PPARGC1A: variants seen among roughly 807,000 people sequenced by gnomAD.
PPARGC1A encodes peroxisome proliferator-activated receptor gamma coactivator 1-alpha.
In PPARGC1A, 25 loss-of-function variants were observed where a neutral mutation model predicts 88.7. The observed-to-expected ratio is 0.28, with a 90% CI of 0.21 to 0.39. The LOEUF is 0.39. PPARGC1A is among the 10% of genes least tolerant of loss of function. PPARGC1A has a pLI of 1.00. For synonymous variants in PPARGC1A, 363 were observed against 355.6 expected (o/e 1.02, Z -0.24); for missense variants, 880 against 968.7 (o/e 0.91, Z 1.22).
At chr4:24,353,791 A>G in the PPARGC1A span, among the ~76,000 whole-genome samples, 1 of 152,186 alleles carries the variant, frequency 6.6e-6, no homozygotes. Context: ...TCTTTGAAAC[A>G]CATCAGAGTC....
the PPARGC1A span, among the ~76,000 whole-genome samples, chr4:24,336,894 C>T: frequency 6.6e-6 from 1 of 152,056 alleles, no homozygotes; most frequent in African/African-American, 2.4e-5. Flanking sequence ...AAGATCCACC[C>T]ATCTCTAAAA....
the PPARGC1A span, among the ~76,000 whole-genome samples, chr4:24,337,867 C>T: frequency 8.1e-4 from 123 of 152,202 alleles, no homozygotes; most frequent in African/African-American, 2.5e-3. Context: ...ACTTGAGCTC[C>T]GACGACCCCA....
intron 2 of PPARGC1A, among the ~76,000 whole-genome samples, chr4:23,865,714 A>G (rs910072953): frequency 6.6e-6 from 1 of 152,214 alleles, no homozygotes; most frequent in African/African-American, 2.4e-5. Flanking sequence ...TGAACTCAAG[A>G]AATATCTGGC....
chr4:23,982,230 CAAAA>C, the PPARGC1A span, among the ~76,000 whole-genome samples: 1 of 151,998 alleles, frequency 6.6e-6, no homozygotes, highest in East Asian at 1.9e-4. Context: ...GTAGTTTAAA[CAAAA>C]GAAAAGTTTG....
At chr4:24,132,435 C>T in the PPARGC1A span, among the ~76,000 whole-genome samples, 1 of 152,126 alleles carries the variant, frequency 6.6e-6, no homozygotes, top group African/African-American at 2.4e-5. Flanking sequence ...TAGTGTCTCC[C>T]TCTAAGTAGT....
the PPARGC1A span, among the ~76,000 whole-genome samples, chr4:24,017,289 A>T: frequency 6.6e-6 from 1 of 152,226 alleles, no homozygotes; most frequent in Non-Finnish European, 1.5e-5. Context: ...CTTCAACAGT[A>T]GAACAGAAAA....
At chr4:24,039,774 T>C in the PPARGC1A span, among the ~76,000 whole-genome samples, 1 of 152,180 alleles carries the variant, frequency 6.6e-6, no homozygotes, top group Admixed American at 6.5e-5. Flanking sequence ...CTTATAGAAG[T>C]ATGTTCTCCA....
At chr4:24,417,505 G>A in the PPARGC1A span, among the ~76,000 whole-genome samples, 1 of 152,228 alleles carries the variant, frequency 6.6e-6, no homozygotes, top group East Asian at 1.9e-4. Context: ...CTCTCTGGGT[G>A]TATGTAAATT....
the PPARGC1A span, among the ~76,000 whole-genome samples, chr4:23,909,769 A>G: frequency 6.6e-6 from 1 of 151,862 alleles, no homozygotes; most frequent in South Asian, 2.1e-4. Context: ...TTATCAGTGT[A>G]TAAGGATCAG....
chr4:23,858,972 TTAAATA>T lies in PPARGC1A; in HGVS notation c.234+25774_234+25779del, dbSNP rs531250178. On this transcript the variant is annotated intron_variant, in intron 2 of 12. Transcript: ENST00000264867. The stretch of plus-strand genomic sequence containing the variant: ...TTATATTTATATTTTGTAGAATAAA[TTAAATA>T]TAAACATAAATTAAAGTATGTAAAT... 7.4e-5 allele frequency among the ~76,000 whole-genome samples: 11 copies of T among 149,028 alleles called. 1 individual carries two copies. Among genetic ancestry groups the T allele is most frequent in the South Asian group, 6.3e-4 (3 of 4,762 alleles).
the PPARGC1A span, among the ~76,000 whole-genome samples, chr4:23,910,532 C>A: frequency 3.4e-5 from 5 of 145,742 alleles, no homozygotes; most frequent in Non-Finnish European, 5.9e-5. Flanking sequence ...CCTCCGCCTC[C>A]CGAGTTCAAG....
At chr4:23,811,630 C>G (rs923762496) in intron 10 of PPARGC1A, among the ~76,000 whole-genome samples, 4 of 152,138 alleles carry the variant, frequency 2.6e-5, no homozygotes, top group Non-Finnish European at 5.9e-5. Context: ...GGTTGATAAA[C>G]AGCGGTAGGG....
chr4:24,385,033 AACAGTC>A, the PPARGC1A span, among the ~76,000 whole-genome samples: 3 of 152,132 alleles, frequency 2.0e-5, no homozygotes, highest in Admixed American at 6.5e-5. Flanking sequence ...AATCATAACA[AACAGTC>A]TCTCAGACCA....
chr4:24,045,616 C>T, the PPARGC1A span, among the ~76,000 whole-genome samples: 1 of 152,178 alleles, frequency 6.6e-6, no homozygotes, highest in Non-Finnish European at 1.5e-5. Context: ...TTCACATGGA[C>T]TTCTCCTCCG....
At chr4:24,442,937 A>G in the PPARGC1A span, among the ~76,000 whole-genome samples, 2 of 152,102 alleles carry the variant, frequency 1.3e-5, no homozygotes, top group East Asian at 1.9e-4. Flanking sequence ...AATTTTCCCA[A>G]TTCAACTCTT....
At chr4:23,974,367 T>A in the PPARGC1A span, among the ~76,000 whole-genome samples, 1 of 152,206 alleles carries the variant, frequency 6.6e-6, no homozygotes, top group East Asian at 1.9e-4. Context: ...CAGGAAATTG[T>A]ACTAATTCTT....
Position 23,801,797 on chromosome 4 carries a change from G to T in PPARGC1A, c.2226C>A (p.Asn742Lys). ...LENGYTLRRS[N>K]ETDFELYFCG... ...AAAAGTACAGCTCAAAGTCAGTTTC[G>T]TTTGACCTGCGCAAAGTGTATCCAT... The change falls in exon 12 of 13, where the codon AAC becomes AAA. Residue 742 changes from asparagine (N) to lysine (K), a missense_variant. By Grantham distance (94) the Asn-to-Lys change is moderately conservative (BLOSUM62 0). Transcript: ENST00000264867. The T allele has an allele frequency of 1.9e-6, 3 of 1,613,962 alleles. No individual in the cohort carries two copies. The highest frequency in any genetic ancestry group is 2.5e-6 in the Non-Finnish European group (3 of 1,179,966).
At chr4:24,043,286 A>G in the PPARGC1A span, among the ~76,000 whole-genome samples, 3 of 152,186 alleles carry the variant, frequency 2.0e-5, no homozygotes, top group East Asian at 5.8e-4. Flanking sequence ...TAATCTTACT[A>G]AAAGCACAGT....
intron 2 of PPARGC1A, among the ~76,000 whole-genome samples, chr4:23,844,874 A>AATAATATATAATATATAT (rs1728023555): frequency 3.4e-5 from 1 of 29,284 alleles, no homozygotes. Context: ...TATATATTAT[A>AATAATATATAATATATAT]TACACACACA....
Sources: allele counts gnomAD v4.1 joint callset (sites outside exome capture counted in the v4.1 genomes callset), GRCh38; gene constraint gnomAD v4.1.1; transcripts MANE v1.5; gene names NCBI Gene and HGNC (gene_info 2026-07-23, HGNC 2026-07-21).